CTNNA3: variants seen among roughly 807,000 people sequenced by gnomAD.
CTNNA3 encodes catenin alpha 3.
In CTNNA3, 76 loss-of-function variants were observed where a neutral mutation model predicts 95.7. The ratio of observed to expected loss-of-function variants is 0.79; its 90% CI spans 0.66 to 0.96. The LOEUF (loss-of-function observed/expected upper bound fraction) is 0.96. Among genes scored for constraint, CTNNA3 ranks in the 40% least tolerant of loss-of-function variants. The pLI is 0.00. For synonymous variants in CTNNA3, 431 were observed against 374.4 expected, an observed-to-expected ratio of 1.15 and a Z score of -1.74; for missense variants, 1,191 against 1,089.8, an observed-to-expected ratio of 1.09 and a Z score of -1.31.
At chr10:67,297,139 T>C (rs1027403397) in intron 5 of CTNNA3, among the ~76,000 whole-genome samples, 2 of 152,056 alleles carry the variant, frequency 1.3e-5, no homozygotes, top group African/African-American at 4.8e-5. Context: ...TGGAAAAAGT[T>C]GACTGACATT....
chr10:67,193,912 T>G (rs553533772), intron 6 of CTNNA3, among the ~76,000 whole-genome samples: 12 of 152,190 alleles, frequency 7.9e-5, no homozygotes, highest in South Asian at 4.1e-4. Flanking sequence ...ATGGTTGAAC[T>G]AATTTAGGCT....
At chr10:67,682,610 T>C (rs768704573) in intron 1 of CTNNA3, among the ~76,000 whole-genome samples, 3 of 152,188 alleles carry the variant, frequency 2.0e-5, no homozygotes, top group East Asian at 1.9e-4. Flanking sequence ...AAGAGAAATA[T>C]GACAATACAT....
upstream of CTNNA3, among the ~76,000 whole-genome samples, chr10:67,698,857 A>T (rs1841009971): frequency 6.6e-6 from 1 of 152,022 alleles, no homozygotes; most frequent in South Asian, 2.1e-4. Flanking sequence ...ACAAAAAAAA[A>T]AAATGTTTCT....
intron 13 of CTNNA3, among the ~76,000 whole-genome samples, chr10:66,232,865 A>ATT (rs2089654397): frequency 3.9e-5 from 6 of 152,148 alleles, no homozygotes; most frequent in Non-Finnish European, 1.5e-5. Context: ...ATCTGTCAAC[A>ATT]ATCAATTTCA....
chr10:67,164,133 A>G lies in CTNNA3; in HGVS notation c.1047+16184T>C, dbSNP rs142335444. ...AAAAATTATTGTAAAATATACATGG[A>G]ATGACAAAGTAGCTAGGATAGCTAA... On this transcript the variant is annotated intron_variant, in intron 7 of 17. Coordinates refer to ENST00000433211, the MANE Select transcript of CTNNA3 (RefSeq NM_013266.4). Among the ~76,000 whole-genome samples the G allele has an allele frequency of 1.3e-3, 200 of 152,114 alleles. 2 individuals are homozygous for G. Among genetic ancestry groups the G allele is most frequent in the African/African-American group, 4.7e-3 (197 of 41,566 alleles).
At chr10:66,318,883 C>T (rs975984201) in intron 12 of CTNNA3, among the ~76,000 whole-genome samples, 6 of 151,872 alleles carry the variant, frequency 4.0e-5, no homozygotes, top group African/African-American at 1.4e-4. Context: ...GGTATTTCAA[C>T]TTCACATCAC....
intron 5 of CTNNA3, among the ~76,000 whole-genome samples, chr10:67,326,805 C>A (rs1043470094): frequency 1.2e-4 from 19 of 152,130 alleles, no homozygotes; most frequent in African/African-American, 3.9e-4. Flanking sequence ...GGATGATATC[C>A]TGAAATATAT....
chr10:66,084,079 G>A (rs1268200045), intron 14 of CTNNA3, among the ~76,000 whole-genome samples: 1 of 146,776 alleles, frequency 6.8e-6, no homozygotes, highest in Admixed American at 7.0e-5. Context: ...AGGTTGCGGT[G>A]AGCCAAGATT....
chr10:66,248,358 AC>A (rs921262909), intron 13 of CTNNA3, among the ~76,000 whole-genome samples: 4 of 151,226 alleles, frequency 2.6e-5, no homozygotes, highest in African/African-American at 4.8e-5. Context: ...TAAAAAAAAA[AC>A]AGAAAAAAAA....
chr10:66,122,922 TC>T (rs1231980493), intron 13 of CTNNA3, among the ~76,000 whole-genome samples: 2 of 152,158 alleles, frequency 1.3e-5, no homozygotes, highest in Non-Finnish European at 2.9e-5. Flanking sequence ...ACCAGGTTCC[TC>T]CCATGACATG....
chr10:66,020,014 C>A (rs990388947), intron 15 of CTNNA3, among the ~76,000 whole-genome samples: 2 of 152,118 alleles, frequency 1.3e-5, no homozygotes, highest in Admixed American at 1.3e-4. Flanking sequence ...GATTTTTAAG[C>A]ATTTAAAACT....
intron 1 of CTNNA3, among the ~76,000 whole-genome samples, chr10:67,749,349 T>C (rs1841392194): frequency 6.6e-6 from 1 of 152,066 alleles, no homozygotes; most frequent in Non-Finnish European, 1.5e-5. Context: ...CCAAAGAAAA[T>C]AGAATATACA....
intron 3 of CTNNA3, among the ~76,000 whole-genome samples, chr10:67,561,775 A>T (rs553677174): frequency 6.6e-6 from 1 of 152,180 alleles, no homozygotes; most frequent in Non-Finnish European, 1.5e-5. Flanking sequence ...GAGAAGAATC[A>T]AACAGATCCA....
intron 13 of CTNNA3, among the ~76,000 whole-genome samples, chr10:66,216,194 C>G (rs1361643942): frequency 2.0e-5 from 3 of 152,242 alleles, no homozygotes; most frequent in African/African-American, 7.2e-5. Flanking sequence ...ATTTACATAG[C>G]ATTCTTGCTT....
chr10:67,313,445 AT>A (rs202008251), intron 5 of CTNNA3, among the ~76,000 whole-genome samples: 30 of 149,636 alleles, frequency 2.0e-4, no homozygotes, highest in South Asian at 4.2e-4. Context: ...AAAAAAAAAA[AT>A]AATAATAATA....
chr10:65,933,534 C>T (rs2077287023), intron 17 of CTNNA3, among the ~76,000 whole-genome samples: 1 of 152,032 alleles, frequency 6.6e-6, no homozygotes, highest in Non-Finnish European at 1.5e-5. Flanking sequence ...TGTGAATGTG[C>T]ATCATAGCAA....
chr10:67,687,714 G>T (rs987768676), intron 1 of CTNNA3, among the ~76,000 whole-genome samples: 3 of 152,162 alleles, frequency 2.0e-5, no homozygotes, highest in African/African-American at 7.2e-5. Context: ...ACCCTCGAGT[G>T]GGTCGGGTGA....
chr10:66,099,781 C>CCATTAATGATACATCAGGTTTATTG (rs1459226812), intron 14 of CTNNA3, among the ~76,000 whole-genome samples: 2 of 152,252 alleles, frequency 1.3e-5, no homozygotes, highest in East Asian at 3.9e-4. Context: ...CTTTCTCATT[C>CCATTAATGATACATCAGGTTTATTG]CATTAATGAT....
intron 7 of CTNNA3, among the ~76,000 whole-genome samples, chr10:66,892,362 T>G (rs1317550969): frequency 6.6e-6 from 1 of 152,156 alleles, no homozygotes; most frequent in African/African-American, 2.4e-5. Context: ...AAATTAATTA[T>G]GTAGTGCAAT....
Sources: gnomAD v4.1 joint callset for allele counts (sites outside exome capture counted in the v4.1 genomes callset) on GRCh38, gnomAD v4.1.1 for gene constraint, MANE v1.5 for transcripts, NCBI Gene and HGNC (gene_info 2026-07-23, HGNC 2026-07-21) for gene names.